The following VPS13B variants were observed in gnomAD, a reference collection of about 807,000 sequenced individuals.
The protein encoded by VPS13B is intermembrane lipid transfer protein VPS13B.
VPS13B carries 285 observed loss-of-function variants against 426.4 expected under a neutral mutation model. The observed-to-expected ratio is 0.67, with a 90% CI of 0.61 to 0.74. VPS13B has a LOEUF of 0.74. VPS13B is among the 30% of genes least tolerant of loss of function. VPS13B has a pLI of 0.00. For synonymous variants in VPS13B, 1,676 were observed against 1,676.4 expected, an observed-to-expected ratio of 1.00 and a Z score of 0.01; for missense variants, 4,537 against 4,782.6, an observed-to-expected ratio of 0.95 and a Z score of 1.51.
At chr8:99,875,346 C>A in intron 61 of VPS13B, 72 bp from the exon 62 acceptor site, 1 of 1,602,698 alleles carries the variant, frequency 6.2e-7, no homozygotes, top group Non-Finnish European at 8.5e-7. Context: ...TATATCGAGG[C>A]AAAAGAACTA....
At chr8:99,208,510 G>A (rs1355219437) in intron 17 of VPS13B, among the ~76,000 whole-genome samples, 3 of 151,844 alleles carry the variant, frequency 2.0e-5, no homozygotes, top group Non-Finnish European at 2.9e-5. Context: ...TTTAAATGAA[G>A]TGTATATCTC....
At chr8:99,559,364 C>T (rs1268347197) in intron 31 of VPS13B, among the ~76,000 whole-genome samples, 1 of 152,188 alleles carries the variant, frequency 6.6e-6, no homozygotes, top group Admixed American at 6.5e-5. Context: ...GTTGCCTCTT[C>T]ACTCTGATGG....
intron 24 of VPS13B, among the ~76,000 whole-genome samples, chr8:99,476,543 A>G (rs1307972112): frequency 6.6e-6 from 1 of 152,150 alleles, no homozygotes; most frequent in Non-Finnish European, 1.5e-5. Flanking sequence ...ATTGAAAGCC[A>G]CAAGTAAAGA....
chr8:99,617,485 C>T (rs1459008693), intron 33 of VPS13B, among the ~76,000 whole-genome samples: 1 of 152,014 alleles, frequency 6.6e-6, no homozygotes, highest in Non-Finnish European at 1.5e-5. Flanking sequence ...CATCACCACG[C>T]CCAGCAAATT....
intron 36 of VPS13B, among the ~76,000 whole-genome samples, chr8:99,708,691 T>C (rs143649208): frequency 6.6e-6 from 1 of 152,180 alleles, no homozygotes; most frequent in East Asian, 1.9e-4. Context: ...TTAAGTTCAT[T>C]TGTTGGGGAA....
chr8:99,829,296 C>A (rs1814909139), intron 51 of VPS13B, among the ~76,000 whole-genome samples: 2 of 152,118 alleles, frequency 1.3e-5, no homozygotes, highest in African/African-American at 4.8e-5. Flanking sequence ...TTGTTCGTTC[C>A]TTTTCATTCT....
intron 19 of VPS13B, among the ~76,000 whole-genome samples, chr8:99,356,267 G>A (rs565167395): frequency 6.6e-6 from 1 of 152,150 alleles, no homozygotes; most frequent in Non-Finnish European, 1.5e-5. Flanking sequence ...AAATGAAATG[G>A]TGTATTTAGG....
Position 99,165,593 on chromosome 8 carries a change from T to C in VPS13B, c.2209-4446T>C, listed in dbSNP as rs115272407. ...AGGAGTTAGAGTAGGATGGAAACCCTTTGGATTCTTTGGATCTGTTAATTT... is the reference window on the plus strand; with the variant it reads ...AGGAGTTAGAGTAGGATGGAAACCCCTTGGATTCTTTGGATCTGTTAATTT... On this transcript the variant is annotated intron_variant, in intron 15 of 61. Coordinates refer to ENST00000357162, the MANE Select transcript of VPS13B (RefSeq NM_152564.5). Among the ~76,000 whole-genome samples the C allele has an allele frequency of 3.2e-3, 485 of 152,322 alleles. 2 individuals carry two copies. Among genetic ancestry groups the C allele is most frequent in the African/African-American group, 0.01 (429 of 41,566 alleles).
chr8:99,171,123 A>C (rs1265002392), intron 16 of VPS13B, among the ~76,000 whole-genome samples: 2 of 151,916 alleles, frequency 1.3e-5, no homozygotes, highest in African/African-American at 4.8e-5. Flanking sequence ...CTTAGTACCA[A>C]TTCCTCTATA....
intron 35 of VPS13B, among the ~76,000 whole-genome samples, chr8:99,675,079 C>T (rs1830874979): frequency 6.6e-6 from 1 of 151,890 alleles, no homozygotes; most frequent in East Asian, 1.9e-4. Context: ...CCTTTTCTTT[C>T]AGCTTGAAAA....
At chr8:99,411,894 G>A (rs1023997341) in intron 21 of VPS13B, among the ~76,000 whole-genome samples, 1 of 151,172 alleles carries the variant, frequency 6.6e-6, no homozygotes, top group African/African-American at 2.4e-5. Context: ...TTTCTGCTCT[G>A]TTCCATTGGT....
intron 33 of VPS13B, among the ~76,000 whole-genome samples, chr8:99,582,263 A>C (rs569332195): frequency 5.3e-5 from 8 of 152,346 alleles, no homozygotes; most frequent in African/African-American, 1.9e-4. Context: ...GTGAATTTTA[A>C]CAACCAAATT....
intron 36 of VPS13B, among the ~76,000 whole-genome samples, chr8:99,701,669 T>G (rs1832287784): frequency 6.6e-6 from 1 of 152,182 alleles, no homozygotes; most frequent in South Asian, 2.1e-4. Flanking sequence ...AAACATACTT[T>G]ATACAACTCT....
Position 99,809,412 on chromosome 8 carries a change from G to A in VPS13B, c.7979G>A (p.Arg2660His), listed in dbSNP as rs555559192. 6.8e-6 allele frequency: 11 copies of A among 1,613,778 alleles called. 1 individual carries two copies. The highest frequency in any genetic ancestry group is 4.5e-5 in the East Asian group (2 of 44,812). ...TGTATTGAAGGTTGGGGCAACTGGC[G>A]TTGGTCAGAGCCTTTCAGTGTGGAC... is the stretch of plus-strand genomic sequence containing the variant. ...HICIEGWGNW[R>H]WSEPFSVDHA... The change falls in exon 44 of 62, where the codon CGT becomes CAT. Residue 2660 changes from arginine (R) to histidine (H), a missense_variant. Physicochemically the swap from Arg to His is conservative, Grantham distance 29. This residue lies in a region of VPS13B where 4,311 missense variants were observed against 4,474.3 expected (regional missense o/e 0.96). Transcript: ENST00000357162.
chr8:99,067,108 G>A (rs1216830282), intron 3 of VPS13B, among the ~76,000 whole-genome samples: 1 of 152,076 alleles, frequency 6.6e-6, no homozygotes, highest in Non-Finnish European at 1.5e-5. Flanking sequence ...ATCTAGAACT[G>A]GAAATACCAT....
intron 29 of VPS13B, among the ~76,000 whole-genome samples, chr8:99,517,635 T>C (rs1416296787): frequency 6.6e-6 from 1 of 152,180 alleles, no homozygotes; most frequent in Non-Finnish European, 1.5e-5. Context: ...GTCTTTGACT[T>C]CCAGCTTAAT....
At chr8:99,422,174 A>T (rs181141262) in intron 21 of VPS13B, among the ~76,000 whole-genome samples, 14 of 152,290 alleles carry the variant, frequency 9.2e-5, no homozygotes, top group Admixed American at 8.5e-4. Context: ...CATCATTTAG[A>T]AATATAATGA....
chr8:99,788,234 T>C (rs1048709803), intron 43 of VPS13B, among the ~76,000 whole-genome samples: 1 of 150,708 alleles, frequency 6.6e-6, no homozygotes, highest in African/African-American at 2.4e-5. Flanking sequence ...AAATTAAATT[T>C]AAAAATTTAA....
rs202230044 is a variant in VPS13B, at chr8:99,423,423, AT to A, written c.3083-8098del. Among the ~76,000 whole-genome samples the A allele has an allele frequency of 6.9e-3, 961 of 138,302 alleles. 5 individuals are homozygous for A. Among genetic ancestry groups the A allele is most frequent in the African/African-American group, 0.017 (622 of 37,156 alleles). The allele number at this position is 138,302 out of a possible 152,430, so 90.7% of individuals were successfully genotyped here. The stretch of plus-strand genomic sequence containing the variant: ...AGGTGTGTGTCACAACATCTAGCTA[AT>A]TTTTTTTTTTTTTTTGTATTTTTAG... On this transcript the variant is annotated intron_variant, in intron 21 of 61. Coordinates refer to ENST00000357162, the MANE Select transcript of VPS13B (RefSeq NM_152564.5).
Sources: gnomAD v4.1 joint callset for allele counts (sites outside exome capture counted in the v4.1 genomes callset) on GRCh38, gnomAD v4.1.1 for gene constraint, gnomAD v4.1.1 regional missense constraint, MANE v1.5 for transcripts, NCBI Gene and HGNC (gene_info 2026-07-23, HGNC 2026-07-21) for gene names.